PRICKLE2: variants seen among roughly 807,000 people sequenced by gnomAD.
PRICKLE2 encodes prickle planar cell polarity protein 2.
Under a neutral mutation model 81.4 loss-of-function variants are expected in PRICKLE2, and 21 were observed. The ratio of observed to expected loss-of-function variants is 0.26; its 90% CI spans 0.18 to 0.37. The LOEUF is 0.37. Ranked by LOEUF, PRICKLE2 falls within the 10% of genes least tolerant of loss-of-function variation. PRICKLE2 has a pLI of 1.00. For synonymous variants in PRICKLE2, 456 were observed against 421.5 expected, an observed-to-expected ratio of 1.08 and a Z score of -1.00; for missense variants, 940 against 1,109.0, an observed-to-expected ratio of 0.85 and a Z score of 2.16.
At position 64,096,536 on chromosome 3, in the gene PRICKLE2, G is replaced by A. The variant is rs1044550629; in HGVS notation, c.*2515C>T. ...CATTCTCTGTAAGGTTGCATTTGGG[G>A]TCAGAAGAAATCTGCAATGGTAGAA... On this transcript the variant is annotated 3_prime_UTR_variant, in exon 8 of 8. Transcript: ENST00000638394. 6.6e-6 allele frequency: 1 copy of A among 152,204 alleles called. No homozygotes were observed. Among genetic ancestry groups the A allele is most frequent in the South Asian group, 2.1e-4 (1 of 4,832 alleles). 9.4% of individuals were successfully genotyped at this position (152,204 alleles called of 1,614,324 possible). A position where few individuals can be genotyped will look rare whatever the true frequency, so the allele number is the denominator to read the frequency against.
At position 64,094,142 on chromosome 3, in the gene PRICKLE2, G is replaced by A. The variant is rs182857924; in HGVS notation, c.*4909C>T. On this transcript the variant is annotated 3_prime_UTR_variant, in exon 8 of 8. Coordinates refer to ENST00000638394, the MANE Select transcript of PRICKLE2 (RefSeq NM_198859.4). ...AGATGGACAAAGCAATCCTGTGGAG[G>A]AAAGAATGAGTTTAGGAGAGGAAAA... 44 of 152,300 alleles carry A rather than the reference G, an allele frequency of 2.9e-4. No homozygotes were observed. Among genetic ancestry groups the A allele is most frequent in the Non-Finnish European group, 2.8e-4 (19 of 68,016 alleles). The allele number at this position is 152,300 out of a possible 1,614,324, so 9.4% of individuals were successfully genotyped here. A position where few individuals can be genotyped will look rare whatever the true frequency, so the allele number is the denominator to read the frequency against.
chr3:64,187,584 G>A (rs1413661842), intron 2 of PRICKLE2: 2 of 152,264 alleles, frequency 1.3e-5, no homozygotes, highest in Admixed American at 6.5e-5. Context: ...ATGAAATAAA[G>A]ACAACACTCT....
At chr3:64,247,503 G>C (rs540445940) in intron 2 of PRICKLE2, among the ~76,000 whole-genome samples, 1 of 152,088 alleles carries the variant, frequency 6.6e-6, no homozygotes, top group Non-Finnish European at 1.5e-5. Context: ...ATAATCTCCT[G>C]TATCTTACTG....
At chr3:64,201,162 C>T (rs980045498) in intron 1 of PRICKLE2, among the ~76,000 whole-genome samples, 7 of 151,794 alleles carry the variant, frequency 4.6e-5, no homozygotes, top group African/African-American at 1.5e-4. Context: ...ATCTCCTGAC[C>T]TCGTGATCCG....
intron 2 of PRICKLE2, among the ~76,000 whole-genome samples, chr3:64,193,130 C>T (rs2078377183): frequency 6.6e-6 from 1 of 152,196 alleles, no homozygotes; most frequent in Admixed American, 6.5e-5. Context: ...TGGAAAGGAG[C>T]AGGCACATGT....
chr3:64,147,259 G>T lies in PRICKLE2; in HGVS notation c.1231C>A (p.Gln411Lys), dbSNP rs1165362797. 1 of 1,610,542 alleles carries T rather than the reference G, an allele frequency of 6.2e-7. No homozygotes were observed. The highest frequency in any genetic ancestry group is 2.2e-5 in the East Asian group (1 of 44,814). ...AGGAGCTGCAGAGGGCTCTGGGTCT[G>T]GTTCTGCTCCATCTTGTTCCCATAA... ...YHYGNKMEQN[Q>K]TQSPLQLLSQ... The change falls in exon 7 of 8, where the codon CAG becomes AAG. Residue 411 changes from glutamine to lysine, a missense_variant. Transcript: ENST00000638394. The surrounding 1 kb of genome is among the most constrained non-coding windows in gnomAD (Gnocchi z 5.0).
chr3:64,140,900 T>C (rs1486531588), intron 7 of PRICKLE2, among the ~76,000 whole-genome samples: 5 of 152,152 alleles, frequency 3.3e-5, no homozygotes, highest in Admixed American at 6.5e-5. Context: ...CTAAAGCCGT[T>C]GTGCAAGTCT....
Position 64,099,225 on chromosome 3 carries a change from C to G in PRICKLE2, c.2361G>C (p.Glu787Asp), listed in dbSNP as rs759238334. 2 of 1,614,168 alleles carry G rather than the reference C, an allele frequency of 1.2e-6. No individual in the cohort carries two copies. Among genetic ancestry groups the G allele is most frequent in the South Asian group, 2.2e-5 (2 of 91,080 alleles). ...TCSSSSESDNEGYFLGEPIPQ... is the reference protein window; with the variant it reads ...TCSSSSESDNDGYFLGEPIPQ... The stretch of plus-strand genomic sequence containing the variant: ...GGATGGGTTCTCCTAGGAAATAGCC[C>G]TCGTTGTCAGACTCTGAAGAGGAGG... Residue 787 changes from glutamate to aspartate, a missense_variant, in exon 8 of 8, where the codon GAG (glutamate) becomes GAC (aspartate). By Grantham distance (45) the Glu-to-Asp change is conservative (BLOSUM62 2). This residue lies in a region of PRICKLE2 where 670 missense variants were observed against 717.2 expected (regional missense o/e 0.93). Coordinates refer to ENST00000638394, the MANE Select transcript of PRICKLE2 (RefSeq NM_198859.4). This position sits in a 1 kb window ranked among gnomAD's most constrained non-coding sequence, Gnocchi z 4.3.
chr3:64,184,551 G>A (rs1304760402), intron 2 of PRICKLE2, among the ~76,000 whole-genome samples: 1 of 152,044 alleles, frequency 6.6e-6, no homozygotes, highest in African/African-American at 2.4e-5. Context: ...ATAGCTCACT[G>A]CAGCCTTGAA....
intron 1 of PRICKLE2, among the ~76,000 whole-genome samples, chr3:64,205,383 C>A (rs2078668358): frequency 6.6e-6 from 1 of 152,172 alleles, no homozygotes; most frequent in African/African-American, 2.4e-5. Flanking sequence ...TTAACTATCT[C>A]CAAGTAGCTT....
intron 2 of PRICKLE2, among the ~76,000 whole-genome samples, chr3:64,235,763 G>C (rs898424765): frequency 3.3e-5 from 5 of 152,200 alleles, no homozygotes; most frequent in African/African-American, 9.6e-5. Flanking sequence ...AGTCTGATCT[G>C]ATGAAAGCTG....
At chr3:64,179,943 T>C (rs1287830402) in intron 2 of PRICKLE2, among the ~76,000 whole-genome samples, 1 of 152,188 alleles carries the variant, frequency 6.6e-6, no homozygotes, top group Non-Finnish European at 1.5e-5. Flanking sequence ...TCCTATGTAT[T>C]TGATGAATCA....
intron 2 of PRICKLE2, among the ~76,000 whole-genome samples, chr3:64,192,504 A>C (rs1462551834): frequency 6.6e-6 from 1 of 152,234 alleles, no homozygotes; most frequent in East Asian, 1.9e-4. Flanking sequence ...TTCTTTGAGG[A>C]GATACATTTA....
At chr3:64,208,694 T>G (rs2107132076) in intron 1 of PRICKLE2, among the ~76,000 whole-genome samples, 1 of 152,354 alleles carries the variant, frequency 6.6e-6, no homozygotes, top group South Asian at 2.1e-4. Flanking sequence ...TCAATAATTT[T>G]CACTTAATTT....
At chr3:64,165,963 G>GGGGT (rs773137414) in intron 2 of PRICKLE2, among the ~76,000 whole-genome samples, 2 of 61,832 alleles carry the variant, frequency 3.2e-5, no homozygotes, top group African/African-American at 4.4e-5. Context: ...CTGTTATAAA[G>GGGGT]GTGTGTGTGT....
intron 1 of PRICKLE2, among the ~76,000 whole-genome samples, chr3:64,220,956 C>G (rs911378544): frequency 3.3e-5 from 5 of 152,102 alleles, no homozygotes; most frequent in Non-Finnish European, 7.4e-5. Context: ...CCATGGTGCT[C>G]TAGTGGAAAA....
At chr3:64,154,081 G>C (rs1371317957) in intron 5 of PRICKLE2, 1 of 152,622 alleles carries the variant, frequency 6.6e-6, no homozygotes, top group Non-Finnish European at 1.5e-5. Context: ...AGATGAATAG[G>C]TATCCAGATT....
chr3:64,154,125 A>T (rs2077589303), intron 5 of PRICKLE2: 1 of 152,300 alleles, frequency 6.6e-6, no homozygotes, highest in African/African-American at 2.4e-5. Context: ...TTAATTGTTG[A>T]AAAGGAGGCC....
chr3:64,207,309 C>T (rs954517345), intron 1 of PRICKLE2, among the ~76,000 whole-genome samples: 1 of 152,108 alleles, frequency 6.6e-6, no homozygotes, highest in African/African-American at 2.4e-5. Flanking sequence ...AACTATACAA[C>T]TAATGTAGAA....
Sources: gnomAD v4.1 joint callset for allele counts (sites outside exome capture counted in the v4.1 genomes callset) on GRCh38, gnomAD v4.1.1 for gene constraint, gnomAD v4.1.1 regional missense constraint, Gnocchi (gnomAD v3.1) non-coding constraint, MANE v1.5 for transcripts, NCBI Gene and HGNC (gene_info 2026-07-23, HGNC 2026-07-21) for gene names.